Variants in VWC2 observed in about 807,000 individuals in gnomAD.
The protein encoded by VWC2 is von Willebrand factor C domain containing 2.
A neutral mutation model predicts 29.8 loss-of-function variants in VWC2; 14 were observed. That is an observed-to-expected ratio of 0.47 (90% CI 0.31 to 0.74). VWC2 has a LOEUF of 0.74. Ranked by LOEUF, VWC2 falls within the 30% of genes least tolerant of loss-of-function variation. The probability of loss-of-function intolerance (pLI) is 0.05; values close to 1 mark genes in which losing one functional copy is unlikely to be tolerated. For synonymous variants in VWC2, 213 were observed against 199.0 expected (o/e 1.07, Z -0.59); for missense variants, 457 against 459.8 (o/e 0.99, Z 0.05).
chr7:49,810,375 C>A (rs1788980791), intron 3 of VWC2, among the ~76,000 whole-genome samples: 2 of 151,912 alleles, frequency 1.3e-5, no homozygotes, highest in Admixed American at 1.3e-4. Flanking sequence ...CAAAATATTG[C>A]TGAAAGAAAT....
intron 3 of VWC2, among the ~76,000 whole-genome samples, chr7:49,860,160 G>A (rs1790593366): frequency 6.6e-6 from 1 of 152,038 alleles, no homozygotes; most frequent in African/African-American, 2.4e-5. Flanking sequence ...CAGTGGCATT[G>A]TACATTCACA....
At chr7:49,829,935 T>C (rs1489016177) in intron 3 of VWC2, among the ~76,000 whole-genome samples, 1 of 152,274 alleles carries the variant, frequency 6.6e-6, no homozygotes, top group Admixed American at 6.5e-5. Context: ...TTATGTGTCA[T>C]TAACTATCTT....
intron 3 of VWC2, among the ~76,000 whole-genome samples, chr7:49,908,262 A>G (rs1174618762): frequency 6.6e-6 from 1 of 152,148 alleles, no homozygotes; most frequent in African/African-American, 2.4e-5. Context: ...ATAATGAGGC[A>G]TGTCCAACGC....
At chr7:49,877,958 A>G (rs1000967813) in intron 3 of VWC2, among the ~76,000 whole-genome samples, 2 of 152,028 alleles carry the variant, frequency 1.3e-5, no homozygotes, top group Non-Finnish European at 2.9e-5. Context: ...GTTTAGTGCC[A>G]TATCATTTGG....
chr7:49,789,242 TGTAGGTGTGGGA>T (rs1788401881), intron 2 of VWC2, among the ~76,000 whole-genome samples: 2 of 144,548 alleles, frequency 1.4e-5, no homozygotes, highest in African/African-American at 5.2e-5. Flanking sequence ...TGTGAAAGAG[TGTAGGTGTGGGA>T]GTGGGTGTGT....
At chr7:49,796,056 T>C (rs1788583718) in intron 2 of VWC2, among the ~76,000 whole-genome samples, 2 of 152,196 alleles carry the variant, frequency 1.3e-5, no homozygotes, top group African/African-American at 4.8e-5. Context: ...TTCCTTGGTT[T>C]CATGTTAGTC....
At chr7:49,835,170 G>A (rs1347305553) in intron 3 of VWC2, among the ~76,000 whole-genome samples, 1 of 152,156 alleles carries the variant, frequency 6.6e-6, no homozygotes, top group Non-Finnish European at 1.5e-5. Flanking sequence ...TGAACTATAG[G>A]GTAGAGGACA....
intron 3 of VWC2, among the ~76,000 whole-genome samples, chr7:49,848,404 G>A (rs1205574965): frequency 1.3e-5 from 2 of 152,216 alleles, no homozygotes; most frequent in Non-Finnish European, 2.9e-5. Flanking sequence ...TGTGAGAGCC[G>A]GGCATGGCCC....
chr7:49,911,918 T>TACACACAC (rs1554344973), intron 3 of VWC2, 116 bp from the exon 4 acceptor site: 15 of 222,992 alleles, frequency 6.7e-5, no homozygotes, highest in Admixed American at 2.4e-4. Flanking sequence ...AACAAACAAA[T>TACACACAC]ACACGCACAC....
intron 3 of VWC2, among the ~76,000 whole-genome samples, chr7:49,877,702 C>T (rs866087378): frequency 2.7e-4 from 41 of 149,656 alleles, no homozygotes; most frequent in Middle Eastern, 6.8e-3. Context: ...GGAGCCCTCC[C>T]ATCTAGTCCT....
chr7:49,870,050 G>A (rs1212122133), intron 3 of VWC2, among the ~76,000 whole-genome samples: 1 of 152,182 alleles, frequency 6.6e-6, no homozygotes, highest in Admixed American at 6.5e-5. Flanking sequence ...ACCGATCTAT[G>A]GTGGTAGAAG....
At chr7:49,783,309 T>C (rs1389120526) in intron 2 of VWC2, among the ~76,000 whole-genome samples, 1 of 151,968 alleles carries the variant, frequency 6.6e-6, no homozygotes, top group Non-Finnish European at 1.5e-5. Flanking sequence ...CTGTGAGAGC[T>C]TGGGTCAGGG....
chr7:49,780,282 C>T (rs1035858483), intron 2 of VWC2, among the ~76,000 whole-genome samples: 4 of 152,096 alleles, frequency 2.6e-5, no homozygotes, highest in Non-Finnish European at 4.4e-5. Flanking sequence ...TCCTGTATTA[C>T]TTATGTGAAT....
rs1329014524 is a variant in VWC2, at chr7:49,919,379, C to T, written c.*7194C>T. On this transcript the variant is annotated 3_prime_UTR_variant, in exon 4 of 4. Coordinates refer to ENST00000340652, the MANE Select transcript of VWC2 (RefSeq NM_198570.5). ...TGAACTTTTGCATTAAAGTCATAAA[C>T]TTACATCAGTATTATGATTTATACT... The T allele has an allele frequency of 3.3e-5, 5 of 152,134 alleles. No homozygotes were observed. Among genetic ancestry groups the T allele is most frequent in the Admixed American group, 3.3e-4 (5 of 15,268 alleles). The allele number at this position is 152,134 out of a possible 1,614,324, so 9.4% of individuals were successfully genotyped here.
intron 3 of VWC2, among the ~76,000 whole-genome samples, chr7:49,806,843 GA>G (rs1376080264): frequency 3.3e-5 from 5 of 151,944 alleles, no homozygotes; most frequent in African/African-American, 1.2e-4. Flanking sequence ...TCTTACCAAG[GA>G]AATAATACAA....
chr7:49,845,788 A>G (rs1231480557), intron 3 of VWC2, among the ~76,000 whole-genome samples: 2 of 152,366 alleles, frequency 1.3e-5, no homozygotes, highest in African/African-American at 2.4e-5. Flanking sequence ...CCCTGTCTCT[A>G]TGGCCACAGA....
intron 3 of VWC2, among the ~76,000 whole-genome samples, chr7:49,810,836 C>A (rs1788991573): frequency 6.6e-6 from 1 of 152,106 alleles, no homozygotes. Flanking sequence ...AAAACTTAGA[C>A]CCTTACTTTA....
intron 3 of VWC2, among the ~76,000 whole-genome samples, chr7:49,853,418 G>A (rs537828405): frequency 2.7e-4 from 41 of 152,152 alleles, no homozygotes; most frequent in African/African-American, 9.7e-4. Context: ...TATCTGTTCT[G>A]TGCCAGGAGC....
chr7:49,844,058 C>T (rs1439188013), intron 3 of VWC2, among the ~76,000 whole-genome samples: 1 of 152,142 alleles, frequency 6.6e-6, no homozygotes, highest in African/African-American at 2.4e-5. Flanking sequence ...GTTGGCAGCA[C>T]AGGAGGAGAC....
Sources: gnomAD v4.1 joint callset for allele counts (sites outside exome capture counted in the v4.1 genomes callset) on GRCh38, gnomAD v4.1.1 for gene constraint, MANE v1.5 for transcripts, NCBI Gene and HGNC (gene_info 2026-07-23, HGNC 2026-07-21) for gene names.